The following PCDH15 variants were observed in gnomAD, a reference collection of about 807,000 sequenced individuals.
PCDH15 encodes the protein protocadherin-15.
A neutral mutation model predicts 178.5 loss-of-function variants in PCDH15; 129 were observed. The observed-to-expected ratio is 0.72, with a 90% CI of 0.63 to 0.84. The LOEUF (loss-of-function observed/expected upper bound fraction) is 0.84, where lower values mean the gene tolerates loss of function less well. Ranked by LOEUF, PCDH15 falls within the 40% of genes least tolerant of loss-of-function variation. The pLI is 0.00. For missense variants in PCDH15, 2,230 were observed against 2,099.9 expected (o/e 1.06, Z -1.21); for synonymous variants, 800 against 732.0 (o/e 1.09, Z -1.50).
rs75154787 is a variant in PCDH15, at chr10:54,573,701, TCGA to T, written c.92-45827_92-45825del. The stretch of plus-strand genomic sequence containing the variant: ...CTTCTATTAGGTAGCCTTATCTTTA[TCGA>T]TAGTTTTCCCCAACTTCAGATTCTG... On this transcript the variant is annotated intron_variant, in intron 2 of 37. Transcript: ENST00000644397. Among the ~76,000 whole-genome samples the T allele has an allele frequency of 1.2e-3, 22 of 17,694 alleles. No individual in the cohort carries two copies. The East Asian group carries it at 0.029, about 24-fold the overall frequency. 11.6% of individuals were successfully genotyped at this position (17,694 alleles called of 152,430 possible).
intron 2 of PCDH15, among the ~76,000 whole-genome samples, chr10:55,577,050 T>A (rs1842509830): frequency 2.0e-5 from 3 of 152,074 alleles, no homozygotes; most frequent in Admixed American, 2.0e-4. Flanking sequence ...GAGACCAGCA[T>A]GGCCAATATG....
intron 2 of PCDH15, among the ~76,000 whole-genome samples, chr10:55,335,229 G>A (rs1844351247): frequency 6.6e-6 from 1 of 152,134 alleles, no homozygotes; most frequent in Non-Finnish European, 1.5e-5. Flanking sequence ...CTGCCTCCAA[G>A]GGTATGGTAC....
chr10:53,928,027 G>C (rs529632317), intron 25 of PCDH15, among the ~76,000 whole-genome samples: 4 of 152,110 alleles, frequency 2.6e-5, no homozygotes, highest in Non-Finnish European at 5.9e-5. Flanking sequence ...AGACATTTAG[G>C]TATAGACATT....
At chr10:54,783,685 C>G (rs1227797225) in intron 1 of PCDH15, among the ~76,000 whole-genome samples, 4 of 151,974 alleles carry the variant, frequency 2.6e-5, no homozygotes, top group Non-Finnish European at 1.5e-5. Context: ...CTTATCGATA[C>G]TTATAGTAAA....
chr10:55,599,277 G>GATA lies in PCDH15; in HGVS notation c.-156+28347_-156+28348insTAT, dbSNP rs1843012199. 8 of 152,294 alleles carry GATA rather than the reference G, an allele frequency of 5.3e-5. No homozygotes were observed. The South Asian group carries it at 1.5e-3, about 28-fold the overall frequency. The allele number at this position is 152,294 out of a possible 1,614,324, so 9.4% of individuals were successfully genotyped here. On this transcript the variant is annotated intron_variant, in intron 2 of 5. Coordinates refer to the PCDH15 transcript ENST00000613346. ...TTAGTAGCAGTGACAAGCCTACGGA[G>GATA]GCTGGTGATAGCTGATTGTCCAAGG...
intron 13 of PCDH15, among the ~76,000 whole-genome samples, chr10:54,182,463 A>G (rs1018659410): frequency 6.6e-6 from 1 of 151,626 alleles, no homozygotes; most frequent in Non-Finnish European, 1.5e-5. Flanking sequence ...TTAATTTCAG[A>G]TATGGGCTAT....
chr10:54,511,098 G>A (rs890580096), intron 3 of PCDH15, among the ~76,000 whole-genome samples: 8 of 152,112 alleles, frequency 5.3e-5, no homozygotes, highest in African/African-American at 1.9e-4. Context: ...ATTTAAAATG[G>A]AATACATTGA....
chr10:54,599,988 G>T, intron 2 of PCDH15: 1 of 1,309,678 alleles, frequency 7.6e-7, no homozygotes, highest in East Asian at 2.6e-5. Flanking sequence ...AGTCTACTGT[G>T]CCAAAATCAC....
chr10:54,322,680 C>G (rs760262146), intron 7 of PCDH15, among the ~76,000 whole-genome samples: 112 of 152,044 alleles, frequency 7.4e-4, no homozygotes, highest in Non-Finnish European at 1.2e-3. Context: ...GATAGACACA[C>G]AGCTGAATTC....
chr10:55,596,243 T>A (rs1207049133), intron 2 of PCDH15, among the ~76,000 whole-genome samples: 1 of 152,130 alleles, frequency 6.6e-6, no homozygotes, highest in Non-Finnish European at 1.5e-5. Context: ...AGATAATTAT[T>A]TTGAGATCCT....
chr10:54,297,146 G>A (rs2384443), intron 8 of PCDH15, among the ~76,000 whole-genome samples: 109,975 of 151,774 alleles, frequency 0.72, 40,804 homozygotes, highest in Middle Eastern at 0.83. Flanking sequence ...GGGTCCAGGG[G>A]CCACTGTGGG....
intron 3 of PCDH15, among the ~76,000 whole-genome samples, chr10:54,844,018 A>G (rs1953463502): frequency 6.6e-6 from 1 of 152,070 alleles, no homozygotes; most frequent in African/African-American, 2.4e-5. Flanking sequence ...CATGGCTGAA[A>G]TAACTTTTCT....
At position 54,050,081 on chromosome 10, in the gene PCDH15, C is replaced by T. The variant is rs116695196; in HGVS notation, c.2220+16676G>A. Among the ~76,000 whole-genome samples the T allele has an allele frequency of 6.2e-3, 947 of 152,228 alleles. 8 individuals carry two copies. Among genetic ancestry groups the T allele is most frequent in the African/African-American group, 0.022 (894 of 41,534 alleles). ...ATCAGAATGCTGGCCTCACAGAGTG[C>T]GTTAGGGTGGAGTCCCTCCTACTCG... On this transcript the variant is annotated intron_variant, in intron 18 of 37. Coordinates refer to ENST00000644397, the MANE Select transcript of PCDH15 (RefSeq NM_001384140.1).
intron 8 of PCDH15, among the ~76,000 whole-genome samples, chr10:54,248,382 A>G (rs1326859220): frequency 6.6e-6 from 1 of 152,008 alleles, no homozygotes; most frequent in East Asian, 1.9e-4. Context: ...TTTAAAGGTA[A>G]CTTCAGTGAA....
At chr10:55,279,945 T>C (rs1842685318) in intron 1 of PCDH15, among the ~76,000 whole-genome samples, 1 of 152,184 alleles carries the variant, frequency 6.6e-6, no homozygotes, top group Non-Finnish European at 1.5e-5. Flanking sequence ...TTAGGAGCTT[T>C]TGAAGTTCTG....
chr10:54,977,129 G>C (rs1157185363), intron 2 of PCDH15, among the ~76,000 whole-genome samples: 1 of 152,196 alleles, frequency 6.6e-6, no homozygotes, highest in Non-Finnish European at 1.5e-5. Flanking sequence ...AAATTTAAGA[G>C]ATTGGAAAAT....
At chr10:53,869,229 T>C (rs2079659239) in intron 26 of PCDH15, among the ~76,000 whole-genome samples, 1 of 152,180 alleles carries the variant, frequency 6.6e-6, no homozygotes, top group East Asian at 1.9e-4. Flanking sequence ...TAGTTATCAA[T>C]GTTAGGTCAC....
At chr10:54,479,921 C>T (rs1159286205) in intron 3 of PCDH15, among the ~76,000 whole-genome samples, 4 of 151,996 alleles carry the variant, frequency 2.6e-5, no homozygotes, top group Non-Finnish European at 5.9e-5. Flanking sequence ...GAATAAGTAC[C>T]CATCTCCAGA....
chr10:55,524,901 C>G (rs921722861), intron 2 of PCDH15, among the ~76,000 whole-genome samples: 1 of 151,728 alleles, frequency 6.6e-6, no homozygotes, highest in African/African-American at 2.4e-5. Context: ...TCTAATACAA[C>G]TTTACATTGT....
Sources: allele counts gnomAD v4.1 joint callset (sites outside exome capture counted in the v4.1 genomes callset), GRCh38; gene constraint gnomAD v4.1.1; transcripts MANE v1.5; gene names NCBI Gene and HGNC (gene_info 2026-07-23, HGNC 2026-07-21).